MZT2B: variants seen among roughly 807,000 people sequenced by gnomAD.
MZT2B encodes the protein mitotic-spindle organizing protein 2B.
In MZT2B, 11 loss-of-function variants were observed where a neutral mutation model predicts 12.1. The ratio of observed to expected loss-of-function variants is 0.91; its 90% CI spans 0.57 to 1.50. The LOEUF (loss-of-function observed/expected upper bound fraction) is 1.50. Among genes scored for constraint, MZT2B ranks in the 40% most tolerant of loss-of-function variants. The probability of loss-of-function intolerance (pLI) is 0.00; values close to 1 mark genes in which losing one functional copy is unlikely to be tolerated. For synonymous variants in MZT2B, 85 were observed against 109.5 expected (o/e 0.78, Z 1.40); for missense variants, 209 against 227.7 (o/e 0.92, Z 0.53).
downstream of MZT2B, among the ~76,000 whole-genome samples, chr2:130,192,821 TGTG>T (rs777097626): frequency 2.6e-5 from 4 of 152,094 alleles, no homozygotes; most frequent in South Asian, 8.3e-4. Context: ...TCAGGCCAGG[TGTG>T]GTGGCTCAAG....
At chr2:130,197,867 C>T in the MZT2B span, among the ~76,000 whole-genome samples, 3 of 125,242 alleles carry the variant, frequency 2.4e-5, no homozygotes, top group African/African-American at 8.5e-5. Context: ...CTCCACCTCC[C>T]CAAGGGCTGG....
chr2:130,182,044 G>C (rs1689700311), upstream of MZT2B: 1 of 1,348,032 alleles, frequency 7.4e-7, no homozygotes, highest in African/African-American at 1.5e-5. Context: ...TCGCCAAGCA[G>C]CGGACCCCTG....
chr2:130,190,406 ACAG>A lies in MZT2B; in HGVS notation c.320-59_320-57del. 2.5e-6 allele frequency: 4 copies of A among 1,592,708 alleles called. No individual in the cohort carries two copies. In the South Asian group the frequency reaches 4.4e-5, roughly 18 times the overall value. On this transcript the variant is annotated intron_variant, in intron 2 of 2. Transcript: ENST00000281871. ...CAAATGTTGCCCAAGGACCACGAGT[ACAG>A]CAGGTGCTGCAGTTACGGGGCACGC...
At chr2:130,198,514 A>C in the MZT2B span, 4 of 950,892 alleles carry the variant, frequency 4.2e-6, 1 homozygote, top group Admixed American at 3.0e-5. Flanking sequence ...CCTGGGAGGC[A>C]GGCCGAGGGC....
downstream of MZT2B, chr2:130,194,006 T>A (rs150405557): frequency 2.7e-5 from 43 of 1,613,988 alleles, no homozygotes; most frequent in Non-Finnish European, 3.5e-5. Context: ...GTAGGCCTTC[T>A]CAGCTGAGAT....
chr2:130,193,303 G>A (rs528586747), downstream of MZT2B, among the ~76,000 whole-genome samples: 1 of 151,918 alleles, frequency 6.6e-6, no homozygotes, highest in Non-Finnish European at 1.5e-5. Flanking sequence ...TGATGACTCA[G>A]AAAGAGTTCA....
intron 2 of MZT2B, among the ~76,000 whole-genome samples, chr2:130,185,137 G>A (rs1284418995): frequency 1.4e-4 from 22 of 151,952 alleles, no homozygotes; most frequent in Non-Finnish European, 2.4e-4. Flanking sequence ...GTGAAACCCC[G>A]TCTCTACTAA....
At chr2:130,182,928 C>T in intron 2 of MZT2B, 153 bp downstream of exon 2, 2 of 979,404 alleles carry the variant, frequency 2.0e-6, no homozygotes, top group South Asian at 1.7e-5. Context: ...GGCTCTGCTC[C>T]TGGGCTTCGC....
At chr2:130,185,319 A>C (rs956206867) in intron 2 of MZT2B, among the ~76,000 whole-genome samples, 6 of 150,822 alleles carry the variant, frequency 4.0e-5, no homozygotes, top group African/African-American at 1.5e-4. Flanking sequence ...TCAAAAAAAA[A>C]AAAAAACTAG....
chr2:130,202,218 C>G, the MZT2B span: 1 of 1,016,782 alleles, frequency 9.8e-7, no homozygotes, highest in Non-Finnish European at 1.3e-6. Context: ...AAAAAACAGT[C>G]CTGTGAATTA....
chr2:130,202,358 T>G, the MZT2B span: 1 of 1,290,452 alleles, frequency 7.7e-7, no homozygotes, highest in African/African-American at 1.5e-5. Flanking sequence ...AGGCGGCGCC[T>G]CGACAAGATT....
downstream of MZT2B, chr2:130,195,092 C>T (rs752263851): frequency 3.1e-5 from 50 of 1,612,558 alleles, no homozygotes; most frequent in Non-Finnish European, 3.6e-5. Flanking sequence ...TTTGCGGATC[C>T]GGTCCAGGAC....
At chr2:130,192,639 G>A (rs1181786653), downstream of MZT2B, among the ~76,000 whole-genome samples, 1 of 152,204 alleles carries the variant, frequency 6.6e-6, no homozygotes, top group East Asian at 1.9e-4. Flanking sequence ...GCAGGAAGTG[G>A]TCGAAGTGGT....
chr2:130,185,125 C>T (rs550667506), intron 2 of MZT2B, among the ~76,000 whole-genome samples: 6 of 152,098 alleles, frequency 3.9e-5, no homozygotes, highest in South Asian at 2.1e-4. Flanking sequence ...CCGGCTAACA[C>T]GGTGAAACCC....
intron 2 of MZT2B, chr2:130,184,907 G>C: frequency 2.0e-6 from 2 of 985,018 alleles, no homozygotes; most frequent in Non-Finnish European, 2.4e-6. Context: ...GCTCACACCT[G>C]TAATCCCAGC....
At chr2:130,188,706 C>T (rs1164796653) in intron 2 of MZT2B, among the ~76,000 whole-genome samples, 3 of 152,088 alleles carry the variant, frequency 2.0e-5, no homozygotes, top group Non-Finnish European at 2.9e-5. Flanking sequence ...GAAGAACTCC[C>T]CGGAAACTCA....
intron 2 of MZT2B, among the ~76,000 whole-genome samples, chr2:130,188,519 T>C (rs1376691154): frequency 6.6e-6 from 1 of 152,226 alleles, no homozygotes; most frequent in African/African-American, 2.4e-5. Context: ...ACTGCTGGGC[T>C]GAGGTGGCCA....
intron 2 of MZT2B, chr2:130,184,320 C>G: frequency 1.0e-5 from 10 of 985,444 alleles, no homozygotes; most frequent in Non-Finnish European, 1.2e-5. Context: ...ACACCTCGGC[C>G]TCTTAGAAGT....
chr2:130,193,744 A>C (rs7340454), downstream of MZT2B: 1 of 1,567,604 alleles, frequency 6.4e-7, no homozygotes. Context: ...TATTTTGTGC[A>C]TCTGCTGCTT....
Sources: gnomAD v4.1 joint callset for allele counts (sites outside exome capture counted in the v4.1 genomes callset) on GRCh38, gnomAD v4.1.1 for gene constraint, MANE v1.5 for transcripts, NCBI Gene and HGNC (gene_info 2026-07-23, HGNC 2026-07-21) for gene names.